Variants in CASC3 observed in about 807,000 individuals in gnomAD.
CASC3 encodes the protein protein CASC3.
CASC3 carries 30 observed loss-of-function variants against 80.5 expected under a neutral mutation model. That is an observed-to-expected ratio of 0.37 (90% CI 0.28 to 0.51). CASC3 has a LOEUF of 0.51. CASC3 is among the 20% of genes least tolerant of loss of function. The pLI is 0.94. For missense variants in CASC3, 824 were observed against 922.2 expected (o/e 0.89, Z 1.38); for synonymous variants, 312 against 333.6 (o/e 0.94, Z 0.70).
In CASC3 at chr17:40,140,581, A is replaced by G; in HGVS notation, c.33A>G (p.Gln11=). MADRRRQRAS[Q]DTEDEESGAS... ...ACCGGCGGCGGCAGCGCGCTTCGCA[A>G]GACACCGAGGACGAGGAATCTGGTG... Residue 11 remains glutamine, a synonymous_variant, in exon 1 of 14, where the codon CAA becomes CAG. Transcript: ENST00000264645. 2 of 1,609,918 alleles carry G rather than the reference A, an allele frequency of 1.2e-6. No individual in the cohort carries two copies. The highest frequency in any genetic ancestry group is 1.7e-6 in the Non-Finnish European group (2 of 1,179,594).
chr17:40,170,923 A>T lies in CASC3; in HGVS notation c.*518A>T, dbSNP rs548533439. 8.9e-5 allele frequency: 88 copies of T among 985,180 alleles called. No individual in the cohort carries two copies. In the African/African-American group the frequency reaches 1.4e-3, roughly 15 times the overall value. 61.0% of individuals were successfully genotyped at this position (985,180 alleles called of 1,614,324 possible). ...TCTTCTGGTTTTCTAGCCCCTCTGG[A>T]TTCCCTTTTGACTCTTCCGTGCATC... On this transcript the variant is annotated 3_prime_UTR_variant, in exon 14 of 14. Coordinates refer to ENST00000264645, the MANE Select transcript of CASC3 (RefSeq NM_007359.5).
intron 3 of CASC3, among the ~76,000 whole-genome samples, chr17:40,153,496 T>C (rs1989064111): frequency 6.6e-6 from 1 of 152,216 alleles, no homozygotes; most frequent in South Asian, 2.1e-4. Context: ...ATGTTTTCAC[T>C]TCTTTTTGAC....
At chr17:40,141,506 G>A (rs1167062274) in intron 2 of CASC3, 64 bp from the exon 3 acceptor site, 1 of 1,403,164 alleles carries the variant, frequency 7.1e-7, no homozygotes, top group Non-Finnish European at 1.0e-6. Context: ...AGTCTGACCT[G>A]TAATAAGCAG....
chr17:40,157,383 T>A (rs534695034), intron 3 of CASC3, among the ~76,000 whole-genome samples: 50 of 146,022 alleles, frequency 3.4e-4, no homozygotes, highest in African/African-American at 5.8e-4. Flanking sequence ...ATTAATTAAT[T>A]AATTAAAAGG....
At chr17:40,167,120 C>G in intron 8 of CASC3, 1 of 512,364 alleles carries the variant, frequency 2.0e-6, no homozygotes, top group Non-Finnish European at 3.4e-6. Context: ...TGCCATCATG[C>G]CCAGCTAATT....
At position 40,162,065 on chromosome 17, in the gene CASC3, G is replaced by T. The variant is rs771453902; in HGVS notation, c.520G>T (p.Glu174Ter). 4 of 1,613,994 alleles carry T rather than the reference G, an allele frequency of 2.5e-6. No individual in the cohort carries two copies. Among genetic ancestry groups the T allele is most frequent in the Non-Finnish European group, 2.5e-6 (3 of 1,180,028 alleles). ...GGGCCCTAAGCATTTGGATGATGAT[G>T]AAGATCGGAAGAATCCAGCATACAT... Reference protein sequence around the residue: ...KKGPKHLDDDEDRKNPAYIPR... With the variant: ...KKGPKHLDDD Residue 174 changes from glutamate to a stop codon, truncating the protein, a stop_gained, in exon 5 of 14, where the codon GAA (glutamate) becomes TAA (stop). Coordinates refer to ENST00000264645, the MANE Select transcript of CASC3 (RefSeq NM_007359.5). LOFTEE classifies it high-confidence loss of function.
At chr17:40,147,834 T>C (rs1249566078) in intron 3 of CASC3, among the ~76,000 whole-genome samples, 1 of 152,226 alleles carries the variant, frequency 6.6e-6, no homozygotes. Flanking sequence ...TTTTGATTCC[T>C]AATTGCTCAT....
chr17:40,140,591 G>A lies in CASC3; in HGVS notation c.43G>A (p.Asp15Asn), dbSNP rs759646109. Reference sequence around the variant, plus strand: ...GCAGCGCGCTTCGCAAGACACCGAGGACGAGGAATCTGGTGCTTCGGGCTC... The same window carrying A: ...GCAGCGCGCTTCGCAAGACACCGAGAACGAGGAATCTGGTGCTTCGGGCTC... ...RRQRASQDTE[D>N]EESGASGSDS... The change falls in exon 1 of 14, where the codon GAC becomes AAC. Residue 15 changes from aspartate to asparagine, a missense_variant. By Grantham distance (23) the Asp-to-Asn change is conservative. This residue lies in a region of CASC3 where 159 missense variants were observed against 122.2 expected (regional missense o/e 1.30). Coordinates refer to ENST00000264645, the MANE Select transcript of CASC3 (RefSeq NM_007359.5). The A allele has an allele frequency of 3.7e-6, 6 of 1,610,356 alleles. No homozygotes were observed. In the South Asian group the frequency reaches 4.4e-5, roughly 12 times the overall value.
At chr17:40,161,340 T>C (rs1989292064) in intron 3 of CASC3, among the ~76,000 whole-genome samples, 1 of 152,200 alleles carries the variant, frequency 6.6e-6, no homozygotes, top group Admixed American at 6.5e-5. Context: ...TTTTCAGTTC[T>C]ATGTTGTACT....
At chr17:40,166,731 A>G in intron 7 of CASC3, 66 bp from the exon 8 acceptor site, 1 of 1,060,086 alleles carries the variant, frequency 9.4e-7, no homozygotes, top group South Asian at 1.6e-5. Context: ...CTGTCTCTTG[A>G]TAGTATCTTT....
intron 3 of CASC3, among the ~76,000 whole-genome samples, chr17:40,160,732 G>A (rs1404606255): frequency 1.3e-5 from 2 of 151,178 alleles, no homozygotes; most frequent in South Asian, 4.2e-4. Flanking sequence ...TCCGCCTCCC[G>A]GCTAATTTTT....
intron 8 of CASC3, 27 bp from the exon 9 acceptor site, chr17:40,167,471 T>A: frequency 1.3e-6 from 2 of 1,547,142 alleles, no homozygotes; most frequent in Non-Finnish European, 1.8e-6. Flanking sequence ...AGAATTCTTA[T>A]TGTTTAGGCC....
rs1367026671 is a variant in CASC3, at chr17:40,160,429, A to G, written c.298-1324A>G. 1.3e-5 allele frequency among the ~76,000 whole-genome samples: 2 copies of G among 152,252 alleles called. 1 individual carries two copies. Reference sequence around the variant, plus strand: ...AGGATCACTTGAGCCCAGGAGATTGAGATTGCAGTAAGCCATGATTGTGCC... The same window carrying G: ...AGGATCACTTGAGCCCAGGAGATTGGGATTGCAGTAAGCCATGATTGTGCC... On this transcript the variant is annotated intron_variant, in intron 3 of 13. Coordinates refer to ENST00000264645, the MANE Select transcript of CASC3 (RefSeq NM_007359.5).
chr17:40,167,456 C>T (rs1225191525), intron 8 of CASC3, 42 bp from the exon 9 acceptor site: 8 of 1,406,814 alleles, frequency 5.7e-6, no homozygotes, highest in East Asian at 2.3e-5. Context: ...ATATGAGAGC[C>T]CTCTAGAATT....
intron 3 of CASC3, among the ~76,000 whole-genome samples, chr17:40,141,958 T>G: frequency 6.6e-6 from 1 of 152,238 alleles, no homozygotes; most frequent in Middle Eastern, 3.2e-3. Flanking sequence ...GTTATTTTTT[T>G]CCAAATCTAT....
At chr17:40,146,519 C>G (rs1988865614) in intron 3 of CASC3, among the ~76,000 whole-genome samples, 1 of 151,478 alleles carries the variant, frequency 6.6e-6, no homozygotes, top group Non-Finnish European at 1.5e-5. Flanking sequence ...TCACTGCAAC[C>G]TCTGCCTCCC....
chr17:40,148,487 C>G (rs944985327), intron 3 of CASC3, among the ~76,000 whole-genome samples: 1 of 151,994 alleles, frequency 6.6e-6, no homozygotes, highest in African/African-American at 2.4e-5. Context: ...GCCTTAGCCT[C>G]CTGAGTAGCT....
At chr17:40,159,347 A>G (rs1421571850) in intron 3 of CASC3, among the ~76,000 whole-genome samples, 1 of 152,138 alleles carries the variant, frequency 6.6e-6, no homozygotes, top group Non-Finnish European at 1.5e-5. Flanking sequence ...AATAAAATGT[A>G]AACTTAAAGT....
intron 3 of CASC3, among the ~76,000 whole-genome samples, chr17:40,155,202 TG>T (rs1006826399): frequency 7.2e-5 from 11 of 151,966 alleles, no homozygotes; most frequent in African/African-American, 2.7e-4. Flanking sequence ...TTCATTCTTT[TG>T]CACGTGACGA....
Sources: gnomAD v4.1 joint callset for allele counts (sites outside exome capture counted in the v4.1 genomes callset) on GRCh38, gnomAD v4.1.1 for gene constraint, gnomAD v4.1.1 regional missense constraint, MANE v1.5 for transcripts, NCBI Gene and HGNC (gene_info 2026-07-23, HGNC 2026-07-21) for gene names.